The following PRR16 variants were observed in gnomAD, a reference collection of about 807,000 sequenced individuals.
The protein encoded by PRR16 is proline rich 16.
A neutral mutation model predicts 18.2 loss-of-function variants in PRR16; 6 were observed. The observed-to-expected ratio is 0.33, with a 90% CI of 0.18 to 0.65. The LOEUF (loss-of-function observed/expected upper bound fraction) is 0.65, where lower values mean the gene tolerates loss of function less well. Ranked by LOEUF, PRR16 falls within the 30% of genes least tolerant of loss-of-function variation. The probability of loss-of-function intolerance (pLI) is 0.74; values close to 1 mark genes in which losing one functional copy is unlikely to be tolerated. For synonymous variants in PRR16, 151 were observed against 147.8 expected, an observed-to-expected ratio of 1.02 and a Z score of -0.16; for missense variants, 412 against 376.6, an observed-to-expected ratio of 1.09 and a Z score of -0.78.
intron 1 of PRR16, among the ~76,000 whole-genome samples, chr5:120,565,146 C>G (rs1752696660): frequency 6.6e-6 from 1 of 152,088 alleles, no homozygotes; most frequent in East Asian, 1.9e-4. Context: ...TTGCTCTGCC[C>G]TCCTTCTCAG....
intron 1 of PRR16, among the ~76,000 whole-genome samples, chr5:120,524,270 G>T (rs1457220256): frequency 7.2e-5 from 11 of 152,078 alleles, no homozygotes. Flanking sequence ...CCAAAGTCTA[G>T]AGTTGTAGCC....
chr5:120,760,577 TC>T, the PRR16 span, among the ~76,000 whole-genome samples: 190 of 152,208 alleles, frequency 1.2e-3, no homozygotes, highest in African/African-American at 4.5e-3. Flanking sequence ...TTCTTTCATA[TC>T]CCCTTAGCAT....
chr5:120,692,388 G>C, the PRR16 span, among the ~76,000 whole-genome samples: 5 of 152,130 alleles, frequency 3.3e-5, no homozygotes, highest in Non-Finnish European at 7.4e-5. Context: ...AGTAAAGACT[G>C]TGTTGACTCT....
chr5:120,567,203 T>G (rs1250637963), intron 1 of PRR16, among the ~76,000 whole-genome samples: 1 of 152,174 alleles, frequency 6.6e-6, no homozygotes, highest in African/African-American at 2.4e-5. Context: ...GTGACCAGTT[T>G]TGGCCCATAA....
At chr5:120,554,057 C>T (rs894923858) in intron 1 of PRR16, among the ~76,000 whole-genome samples, 2 of 151,876 alleles carry the variant, frequency 1.3e-5, no homozygotes. Context: ...AATACACAAT[C>T]ATGAAAGAAT....
rs186988539 is a variant in PRR16 at position 120,595,749 on chromosome 5, C to A, written c.160-90205C>A. ...GGGTCTTAATAGAATTTGTGATGTT[C>A]TTATGATTCTCCTTTTGCCATTTAG... On this transcript the variant is annotated intron_variant, in intron 1 of 1. Coordinates refer to ENST00000407149, the MANE Select transcript of PRR16 (RefSeq NM_001300783.2). 5.8e-4 allele frequency among the ~76,000 whole-genome samples: 88 copies of A among 152,004 alleles called. 3 individuals carry two copies. In the Middle Eastern group the frequency reaches 0.017, roughly 29 times the overall value.
At chr5:120,695,029 C>G in the PRR16 span, among the ~76,000 whole-genome samples, 1 of 152,154 alleles carries the variant, frequency 6.6e-6, no homozygotes, top group Non-Finnish European at 1.5e-5. Flanking sequence ...GGACTGAGAA[C>G]TGGAGTCCTA....
chr5:120,507,827 A>G (rs1750695624), intron 1 of PRR16, among the ~76,000 whole-genome samples: 1 of 152,054 alleles, frequency 6.6e-6, no homozygotes, highest in South Asian at 2.1e-4. Context: ...GCAAGAATCA[A>G]TGTAAACTTT....
chr5:120,785,858 C>T, the PRR16 span, among the ~76,000 whole-genome samples: 4 of 151,426 alleles, frequency 2.6e-5, no homozygotes, highest in South Asian at 2.1e-4. Flanking sequence ...TGTGAGCTAC[C>T]GCGCCTGGCC....
chr5:120,507,693 T>G (rs1266592951), intron 1 of PRR16, among the ~76,000 whole-genome samples: 1 of 152,232 alleles, frequency 6.6e-6, no homozygotes, highest in Middle Eastern at 3.4e-3. Flanking sequence ...GTTGCTTTTT[T>G]ATTTTCTTAC....
intron 1 of PRR16, among the ~76,000 whole-genome samples, chr5:120,470,307 A>C (rs910089690): frequency 8.5e-5 from 13 of 152,150 alleles, no homozygotes; most frequent in African/African-American, 3.1e-4. Flanking sequence ...ATTTTTTCTG[A>C]TGTTAGGAGC....
At chr5:120,771,328 A>T in the PRR16 span, among the ~76,000 whole-genome samples, 1 of 152,124 alleles carries the variant, frequency 6.6e-6, no homozygotes, top group Non-Finnish European at 1.5e-5. Context: ...TGCAACATGC[A>T]TTAGCAACAA....
the PRR16 span, among the ~76,000 whole-genome samples, chr5:120,706,764 G>C: frequency 6.6e-6 from 1 of 152,162 alleles, no homozygotes; most frequent in Non-Finnish European, 1.5e-5. Context: ...TGTTTCAAGA[G>C]AAGTTAAGAT....
rs566946076 is a variant in PRR16, at chr5:120,651,471, T to G, written c.160-34483T>G. Among the ~76,000 whole-genome samples, 11 of 152,304 alleles carry G rather than the reference T, an allele frequency of 7.2e-5. No homozygotes were observed. The South Asian group carries it at 1.4e-3, about 20-fold the overall frequency. On this transcript the variant is annotated intron_variant, in intron 1 of 1. Transcript: ENST00000407149. ...GTTTTTATGGTTTTAGGTCTAACAT[T>G]TAAGTCTTTAATCCATCTTGAATTA...
At chr5:120,646,017 T>C (rs1334385230) in intron 1 of PRR16, among the ~76,000 whole-genome samples, 1 of 125,596 alleles carries the variant, frequency 8.0e-6, no homozygotes, top group Non-Finnish European at 1.7e-5. Flanking sequence ...AATATGAAGA[T>C]AAGCTCAAAT....
chr5:120,475,375 GT>G (rs1749407193), intron 1 of PRR16, among the ~76,000 whole-genome samples: 1 of 151,612 alleles, frequency 6.6e-6, no homozygotes, highest in Non-Finnish European at 1.5e-5. Context: ...TTCCTTTCTT[GT>G]TTTTATCCTT....
chr5:120,486,372 G>C (rs1749800418), intron 1 of PRR16, among the ~76,000 whole-genome samples: 1 of 150,098 alleles, frequency 6.7e-6, no homozygotes, highest in East Asian at 2.0e-4. Flanking sequence ...TCTCACTGTG[G>C]TTTTGATTTG....
chr5:120,720,547 T>A, the PRR16 span, among the ~76,000 whole-genome samples: 3 of 152,008 alleles, frequency 2.0e-5, no homozygotes, highest in African/African-American at 7.2e-5. Flanking sequence ...TCTGCCAATT[T>A]TTTTCTGGCT....
chr5:120,746,010 C>T, the PRR16 span, among the ~76,000 whole-genome samples: 8 of 151,924 alleles, frequency 5.3e-5, no homozygotes, highest in African/African-American at 1.9e-4. Flanking sequence ...CCACGTGTGG[C>T]CTTTAGCCTT....
Sources: gnomAD v4.1 joint callset for allele counts (sites outside exome capture counted in the v4.1 genomes callset) on GRCh38, gnomAD v4.1.1 for gene constraint, MANE v1.5 for transcripts, NCBI Gene and HGNC (gene_info 2026-07-23, HGNC 2026-07-21) for gene names.